The following PTPRN2 variants were observed in gnomAD, a reference collection of about 807,000 sequenced individuals.
The protein encoded by PTPRN2 is protein tyrosine phosphatase receptor type N2, also known as receptor-type tyrosine-protein phosphatase N2.
Under a neutral mutation model 118.8 loss-of-function variants are expected in PTPRN2, and 74 were observed. The observed-to-expected ratio is 0.62, with a 90% CI of 0.52 to 0.76. The LOEUF (loss-of-function observed/expected upper bound fraction) is 0.76. Among genes scored for constraint, PTPRN2 ranks in the 30% least tolerant of loss-of-function variants. The probability of loss-of-function intolerance (pLI) is 0.00; values close to 1 mark genes in which losing one functional copy is unlikely to be tolerated. For synonymous variants in PTPRN2, 641 were observed against 608.0 expected, an observed-to-expected ratio of 1.05 and a Z score of -0.80; for missense variants, 1,481 against 1,394.4, an observed-to-expected ratio of 1.06 and a Z score of -0.99.
intron 2 of PTPRN2, among the ~76,000 whole-genome samples, chr7:158,467,895 T>C (rs554635308): frequency 2.6e-5 from 4 of 152,206 alleles, no homozygotes; most frequent in Non-Finnish European, 5.9e-5. Context: ...TGCTGTTGCG[T>C]TTGTTACACT....
intron 17 of PTPRN2, among the ~76,000 whole-genome samples, chr7:157,582,050 C>A (rs749407060): frequency 1.3e-5 from 2 of 152,248 alleles, no homozygotes; most frequent in African/African-American, 2.4e-5. Flanking sequence ...GGATCTCAGA[C>A]TACCAGGCTC....
intron 2 of PTPRN2, among the ~76,000 whole-genome samples, chr7:158,382,177 T>A (rs892597516): frequency 6.6e-6 from 1 of 152,166 alleles, no homozygotes; most frequent in African/African-American, 2.4e-5. Context: ...TGCAGGCACC[T>A]GGGCAACGCA....
intron 2 of PTPRN2, among the ~76,000 whole-genome samples, chr7:158,482,764 C>T (rs1820737474): frequency 6.6e-6 from 1 of 152,162 alleles, no homozygotes; most frequent in African/African-American, 2.4e-5. Flanking sequence ...CACAAATGAG[C>T]CCATTCACTA....
intron 3 of PTPRN2, among the ~76,000 whole-genome samples, chr7:158,270,979 CCTCCACCTGGGCCTCCCCA>C (rs2150964588): frequency 1.7e-5 from 2 of 119,190 alleles, no homozygotes; most frequent in Admixed American, 8.2e-5. Context: ...TGGACCACCC[CCTCCACCTGGGCCTCCCCA>C]TCCACCTGGA....
chr7:158,297,973 T>G (rs1800615756), intron 3 of PTPRN2, among the ~76,000 whole-genome samples: 1 of 152,260 alleles, frequency 6.6e-6, no homozygotes, highest in Non-Finnish European at 1.5e-5. Context: ...TTTTATCAAC[T>G]TACAGGTTTT....
chr7:158,519,237 T>G (rs1331386067), intron 1 of PTPRN2, among the ~76,000 whole-genome samples: 1 of 152,124 alleles, frequency 6.6e-6, no homozygotes, highest in African/African-American at 2.4e-5. Context: ...GAGAAAACAT[T>G]AAAAGAAGTC....
At chr7:157,976,184 C>G (rs1467713933) in intron 11 of PTPRN2, among the ~76,000 whole-genome samples, 1 of 152,230 alleles carries the variant, frequency 6.6e-6, no homozygotes, top group African/African-American at 2.4e-5. Context: ...TGGTTCCCAT[C>G]GCGTTATCAG....
intron 11 of PTPRN2, among the ~76,000 whole-genome samples, chr7:158,054,662 C>T (rs1809643319): frequency 6.6e-6 from 1 of 152,192 alleles, no homozygotes; most frequent in African/African-American, 2.4e-5. Context: ...GTGCATGCAC[C>T]TCTCTGCCCA....
chr7:157,660,592 T>C (rs192611671), intron 13 of PTPRN2, among the ~76,000 whole-genome samples: 17 of 152,296 alleles, frequency 1.1e-4, no homozygotes, highest in Admixed American at 9.8e-4. Flanking sequence ...TGGTTTCCTG[T>C]ATATTCAGTG....
intron 13 of PTPRN2, among the ~76,000 whole-genome samples, chr7:157,657,273 A>ACACACAC (rs1378796028): frequency 2.0e-5 from 1 of 50,606 alleles, no homozygotes; most frequent in African/African-American, 8.7e-5. Flanking sequence ...CACATACACC[A>ACACACAC]CACACACACC....
intron 4 of PTPRN2, among the ~76,000 whole-genome samples, chr7:158,193,117 C>T (rs978428297): frequency 4.6e-5 from 7 of 152,208 alleles, no homozygotes; most frequent in African/African-American, 9.6e-5. Flanking sequence ...CCATGCAGGG[C>T]AGGGACGCCG....
intron 13 of PTPRN2, among the ~76,000 whole-genome samples, chr7:157,679,735 A>T (rs187823722): frequency 6.6e-6 from 1 of 152,296 alleles, no homozygotes; most frequent in African/African-American, 2.4e-5. Flanking sequence ...CTGTACAAGC[A>T]CTAATGATGT....
intron 12 of PTPRN2, among the ~76,000 whole-genome samples, chr7:157,754,116 G>A (rs55808197): frequency 0.023 from 3,433 of 152,344 alleles, 110 homozygotes; most frequent in East Asian, 0.11. Context: ...GAGTTGGGGT[G>A]TGAAAACAAT....
chr7:158,233,148 G>A (rs1381477209), intron 3 of PTPRN2, among the ~76,000 whole-genome samples: 3 of 152,128 alleles, frequency 2.0e-5, no homozygotes, highest in African/African-American at 7.2e-5. Context: ...CTTATTTGCA[G>A]ACATCATGAT....
At chr7:157,722,134 T>C (rs1281711493) in intron 12 of PTPRN2, among the ~76,000 whole-genome samples, 1 of 152,170 alleles carries the variant, frequency 6.6e-6, no homozygotes, top group Non-Finnish European at 1.5e-5. Context: ...CCCTCACGTG[T>C]CTGTGAGGTC....
chr7:157,993,198 A>C (rs968916777), intron 11 of PTPRN2, among the ~76,000 whole-genome samples: 5 of 152,202 alleles, frequency 3.3e-5, no homozygotes, highest in African/African-American at 1.2e-4. Context: ...TTTCTATCAA[A>C]ACGTAAATAG....
intron 11 of PTPRN2, among the ~76,000 whole-genome samples, chr7:158,077,318 A>G (rs1423029681): frequency 3.3e-5 from 5 of 152,242 alleles, no homozygotes; most frequent in African/African-American, 1.2e-4. Context: ...AAAGATGCCG[A>G]ACAGGCAGAA....
intron 3 of PTPRN2, among the ~76,000 whole-genome samples, chr7:158,212,883 T>C (rs1827705514): frequency 6.6e-6 from 1 of 152,200 alleles, no homozygotes. Flanking sequence ...AATTACATTA[T>C]ATTTATACTC....
intron 2 of PTPRN2, 45 bp from the exon 3 acceptor site, chr7:158,316,977 T>C (rs760527802): frequency 4.1e-6 from 6 of 1,462,650 alleles, no homozygotes; most frequent in Non-Finnish European, 4.7e-6. Flanking sequence ...CGTTTCATTT[T>C]CAGAGAGCAG....
Sources: gnomAD v4.1 joint callset for allele counts (sites outside exome capture counted in the v4.1 genomes callset) on GRCh38, gnomAD v4.1.1 for gene constraint, MANE v1.5 for transcripts, NCBI Gene and HGNC (gene_info 2026-07-23, HGNC 2026-07-21) for gene names.